The following IRS1 variants were observed in gnomAD, a reference collection of about 807,000 sequenced individuals.
IRS1 encodes the protein insulin receptor substrate 1.
In IRS1, 34 loss-of-function variants were observed where a neutral mutation model predicts 65.6. That is an observed-to-expected ratio of 0.52 (90% confidence interval 0.39 to 0.69). IRS1 has a LOEUF of 0.69. Ranked by LOEUF, IRS1 falls within the 30% of genes least tolerant of loss-of-function variation. The pLI is 0.00. For missense variants in IRS1, 1,641 were observed against 1,720.2 expected (o/e 0.95, Z 0.81); for synonymous variants, 699 against 683.5 (o/e 1.02, Z -0.35).
chr2:226,772,802 G>C (rs1238847795), intron 1 of IRS1, among the ~76,000 whole-genome samples: 1 of 152,068 alleles, frequency 6.6e-6, no homozygotes, highest in African/African-American at 2.4e-5. Context: ...ATTTACACAG[G>C]AAGCAGTAAG....
In IRS1 at chr2:226,734,234, T is replaced by A. The variant is rs1227045419; in HGVS notation, c.*2038A>T. ...ACAAGAGTAAAAAACAACTTTCATA[T>A]CAGATTTTCAAAATGGGTAGTGCTC... On this transcript the variant is annotated 3_prime_UTR_variant, in exon 2 of 2. Coordinates refer to ENST00000305123, the MANE Select transcript of IRS1 (RefSeq NM_005544.3). 1 of 152,212 alleles carries A rather than the reference T, an allele frequency of 6.6e-6. No homozygotes were observed. The highest frequency in any genetic ancestry group is 1.5e-5 in the Non-Finnish European group (1 of 68,036). The allele number at this position is 152,212 out of a possible 1,614,324, so 9.4% of individuals were successfully genotyped here. A position where few individuals can be genotyped will look rare whatever the true frequency, so the allele number is the denominator to read the frequency against.
intron 1 of IRS1, among the ~76,000 whole-genome samples, chr2:226,786,793 A>AC (rs1396691186): frequency 6.6e-6 from 1 of 151,738 alleles, no homozygotes; most frequent in African/African-American, 2.4e-5. Context: ...TCTAAAAAAA[A>AC]AAAAAAAAAC....
intron 1 of IRS1, among the ~76,000 whole-genome samples, chr2:226,782,744 G>C (rs1820841): frequency 0.15 from 22,198 of 152,178 alleles, 1,991 homozygotes; most frequent in South Asian, 0.27. Flanking sequence ...CTCATGCCTG[G>C]AATCCCAGCA....
chr2:226,751,972 C>T (rs1445793896), intron 1 of IRS1, among the ~76,000 whole-genome samples: 1 of 152,062 alleles, frequency 6.6e-6, no homozygotes, highest in Non-Finnish European at 1.5e-5. Flanking sequence ...ACTCAGATCT[C>T]ATCCCAAATA....
chr2:226,765,326 C>T (rs954764539), intron 1 of IRS1, among the ~76,000 whole-genome samples: 1 of 152,194 alleles, frequency 6.6e-6, no homozygotes, highest in African/African-American at 2.4e-5. Context: ...AAATTAGAGA[C>T]AAGATAATGC....
At chr2:226,750,265 A>G (rs935409443) in intron 1 of IRS1, among the ~76,000 whole-genome samples, 22 of 151,752 alleles carry the variant, frequency 1.4e-4, no homozygotes, top group Admixed American at 1.3e-3. Context: ...AAAAAAAAAA[A>G]AAAAAGAATC....
rs142777580 is a variant in IRS1 at position 226,779,168 on chromosome 2, G to C, written c.*21+15821C>G. Among the ~76,000 whole-genome samples, 1,146 of 152,256 alleles carry C rather than the reference G, an allele frequency of 7.5e-3. 13 individuals carry two copies. The highest frequency in any genetic ancestry group is 0.026 in the African/African-American group (1,101 of 41,552). On this transcript the variant is annotated intron_variant, in intron 1 of 1. Transcript: ENST00000305123. ...CTCCCTACCAAGATCTTCATGATTG[G>C]TTATGATTTCCTTTAAATTTCAGGT...
rs764793783 is a variant in IRS1, at chr2:226,797,605, C to T, written c.1134G>A (p.Pro378=). 23 of 1,587,986 alleles carry T rather than the reference C, an allele frequency of 1.4e-5. No individual in the cohort carries two copies. The highest frequency in any genetic ancestry group is 1.0e-5 in the Non-Finnish European group (12 of 1,170,982). The change falls in exon 1 of 2, where the codon CCG becomes CCA. Residue 378 remains proline, a synonymous_variant. Coordinates refer to ENST00000305123, the MANE Select transcript of IRS1 (RefSeq NM_005544.3). The surrounding 1 kb of genome is among the most constrained non-coding windows in gnomAD (Gnocchi z 8.1). ...TGGCCGAAGGCGAGCAGCGGGAAGC[C>T]GGCATGGGGATGGAGCGGCTGTGGT... is the stretch of plus-strand genomic sequence containing the variant. The part of the protein sequence containing the change: ...PLNHSRSIPM[P]ASRCSPSATS...
At chr2:226,763,862 T>C (rs550263008) in intron 1 of IRS1, among the ~76,000 whole-genome samples, 1 of 152,328 alleles carries the variant, frequency 6.6e-6, no homozygotes, top group African/African-American at 2.4e-5. Flanking sequence ...AGCTACTCTT[T>C]TCTTCATTGT....
chr2:226,742,980 A>G (rs1431191053), intron 1 of IRS1, among the ~76,000 whole-genome samples: 1 of 152,184 alleles, frequency 6.6e-6, no homozygotes, highest in Admixed American at 6.5e-5. Context: ...AAGCCAAAGA[A>G]TATCCACTTC....
chr2:226,751,506 A>G (rs1328523035), intron 1 of IRS1, among the ~76,000 whole-genome samples: 1 of 151,952 alleles, frequency 6.6e-6, no homozygotes, highest in African/African-American at 2.4e-5. Flanking sequence ...GATGGTCTCG[A>G]TCTCCTAACC....
At chr2:226,758,774 G>A (rs1938853667) in intron 1 of IRS1, among the ~76,000 whole-genome samples, 1 of 152,140 alleles carries the variant, frequency 6.6e-6, no homozygotes, top group South Asian at 2.1e-4. Context: ...GTGAAGGGAT[G>A]AGGTTAAATG....
chr2:226,774,034 A>G (rs1042998733), intron 1 of IRS1, among the ~76,000 whole-genome samples: 3 of 152,152 alleles, frequency 2.0e-5, no homozygotes, highest in African/African-American at 7.2e-5. Context: ...CTGTAGTCCA[A>G]CAGAGAAAGC....
intron 1 of IRS1, among the ~76,000 whole-genome samples, chr2:226,749,616 G>A (rs1047992753): frequency 1.7e-4 from 26 of 152,170 alleles, no homozygotes; most frequent in Admixed American, 7.2e-4. Context: ...GGCCTCCTCC[G>A]TCTGCCTTCA....
chr2:226,739,633 T>C (rs1938396913), intron 1 of IRS1, among the ~76,000 whole-genome samples: 2 of 152,190 alleles, frequency 1.3e-5, no homozygotes, highest in Non-Finnish European at 2.9e-5. Context: ...AAATCAGAGT[T>C]GTGTACAACA....
rs1574644514 is a variant in IRS1, at chr2:226,752,125, CAAG to C, written c.*22-15878_*22-15876del. On this transcript the variant is annotated intron_variant, in intron 1 of 1. Coordinates refer to ENST00000305123, the MANE Select transcript of IRS1 (RefSeq NM_005544.3). ...AATTTATCCTCAGAATCTTAAAGAA[CAAG>C]AAGGATTCCTTGTGCAGGTAGCTCA... Among the ~76,000 whole-genome samples the C allele has an allele frequency of 2.0e-5, 3 of 152,142 alleles. No individual in the cohort carries two copies. The South Asian group carries it at 6.2e-4, about 32-fold the overall frequency.
At chr2:226,791,795 G>T (rs1041372747) in intron 1 of IRS1, among the ~76,000 whole-genome samples, 22 of 152,102 alleles carry the variant, frequency 1.4e-4, no homozygotes, top group African/African-American at 5.1e-4. Context: ...GCCCGAGGGC[G>T]GGGCCTCGCC....
rs148833195 is a variant in IRS1, at chr2:226,795,288, G to C, written c.3451C>G (p.Leu1151Val). Residue 1151 changes from leucine to valine, a missense_variant, in exon 1 of 2, where the codon CTG becomes GTG. This residue lies in a region of IRS1 where 1,324 missense variants were observed against 1,361.0 expected (regional missense o/e 0.97). Transcript: ENST00000305123. ...HSSASFENVWLRPGELGGAPK... is the reference protein window; with the variant it reads ...HSSASFENVWVRPGELGGAPK... ...GCTCCCCCAAGCTCCCCAGGCCTCA[G>C]CCACACATTCTCAAAGGAAGCAGAG... is the stretch of plus-strand genomic sequence containing the variant. 6 of 1,613,810 alleles carry C rather than the reference G, an allele frequency of 3.7e-6. No individual in the cohort carries two copies. In the African/African-American group the frequency reaches 6.7e-5, roughly 18 times the overall value.
intron 1 of IRS1, among the ~76,000 whole-genome samples, chr2:226,739,366 C>T (rs1938392516): frequency 6.6e-6 from 1 of 152,162 alleles, no homozygotes; most frequent in African/African-American, 2.4e-5. Context: ...CAACAGCCAA[C>T]TTGGGGGCTG....
Sources: gnomAD v4.1 joint callset for allele counts (sites outside exome capture counted in the v4.1 genomes callset) on GRCh38, gnomAD v4.1.1 for gene constraint, gnomAD v4.1.1 regional missense constraint, Gnocchi (gnomAD v3.1) non-coding constraint, MANE v1.5 for transcripts, NCBI Gene and HGNC (gene_info 2026-07-23, HGNC 2026-07-21) for gene names.